The following ACOT12 variants were observed in gnomAD, a reference collection of about 807,000 sequenced individuals.
The protein encoded by ACOT12 is acetyl-coenzyme A thioesterase.
In ACOT12, 51 loss-of-function variants were observed where a neutral mutation model predicts 67.7. The ratio of observed to expected loss-of-function variants is 0.75; its 90% CI spans 0.60 to 0.95. The LOEUF (loss-of-function observed/expected upper bound fraction) is 0.95, where lower values mean the gene tolerates loss of function less well. Among genes scored for constraint, ACOT12 ranks in the 40% least tolerant of loss-of-function variants. The pLI, the probability that ACOT12 is intolerant of heterozygous loss-of-function variation, is 0.00. For synonymous variants in ACOT12, 251 were observed against 244.6 expected (o/e 1.03, Z -0.24); for missense variants, 734 against 708.1 (o/e 1.04, Z -0.41).
chr5:81,354,078 A>T (rs889004580), intron 5 of ACOT12, among the ~76,000 whole-genome samples: 1 of 152,238 alleles, frequency 6.6e-6, no homozygotes, highest in African/African-American at 2.4e-5. Context: ...CTGGCATGGA[A>T]GTTAGTAAAA....
chr5:81,345,947 T>G lies in ACOT12; in HGVS notation c.711A>C (p.Gly237=), dbSNP rs1394329348. 1.9e-6 allele frequency: 3 copies of G among 1,613,936 alleles called. No individual in the cohort carries two copies. Among genetic ancestry groups the G allele is most frequent in the Non-Finnish European group, 2.5e-6 (3 of 1,179,958 alleles). The change falls in exon 7 of 15, where the codon GGA becomes GGC. Residue 237 remains glycine, a synonymous_variant. Transcript: ENST00000307624. ...CAAGACGATCTCCAACTGTAGATGG[T>G]CCCCGGAACTTAAACATATCTACGG... The part of the protein sequence containing the change: ...LKSVDMFKFR[G]PSTVGDRLVF...
chr5:81,380,561 T>C (rs1291710856), intron 2 of ACOT12, among the ~76,000 whole-genome samples: 13 of 92,730 alleles, frequency 1.4e-4, no homozygotes, highest in African/African-American at 6.0e-4. Context: ...GAGACTGTCT[T>C]AGAAAAAAAA....
chr5:81,317,501 CAA>C, the ACOT12 span, among the ~76,000 whole-genome samples: 481 of 109,054 alleles, frequency 4.4e-3, 2 homozygotes, highest in African/African-American at 0.012. Context: ...GACTCCATCC[CAA>C]AAAAAAAAAA....
At chr5:81,376,375 G>A (rs1191192673) in intron 2 of ACOT12, among the ~76,000 whole-genome samples, 1 of 151,392 alleles carries the variant, frequency 6.6e-6, no homozygotes, top group East Asian at 2.0e-4. Flanking sequence ...TGAATGCCCA[G>A]AAGAGAAAGC....
At chr5:81,348,429 A>G (rs1759449924) in intron 5 of ACOT12, among the ~76,000 whole-genome samples, 1 of 152,232 alleles carries the variant, frequency 6.6e-6, no homozygotes, top group African/African-American at 2.4e-5. Flanking sequence ...AAGGAATCTG[A>G]GCTACAAAGG....
chr5:81,315,975 GGGGT>G, the ACOT12 span, among the ~76,000 whole-genome samples: 1 of 152,084 alleles, frequency 6.6e-6, no homozygotes, highest in South Asian at 2.1e-4. Context: ...ATCTCCACGG[GGGGT>G]GGATTCTTGT....
chr5:81,334,753 C>T (rs562252828), intron 12 of ACOT12, among the ~76,000 whole-genome samples: 24 of 152,324 alleles, frequency 1.6e-4, no homozygotes, highest in African/African-American at 5.1e-4. Context: ...TGAAGCCCTG[C>T]GGGGTGCTAT....
intron 3 of ACOT12, among the ~76,000 whole-genome samples, chr5:81,370,919 T>A (rs148520665): frequency 1.4e-3 from 210 of 152,246 alleles, no homozygotes; most frequent in African/African-American, 4.8e-3. Context: ...TGAATGGAGA[T>A]CTCAAGAGCC....
At chr5:81,325,820 A>C (rs2153838849), downstream of ACOT12, among the ~76,000 whole-genome samples, 1 of 152,224 alleles carries the variant, frequency 6.6e-6, no homozygotes, top group South Asian at 2.1e-4. Context: ...CTCTTTTTAG[A>C]GACAGTGTCT....
At chr5:81,332,340 T>G (rs1295164096) in intron 13 of ACOT12, 137 bp downstream of exon 13, 3 of 978,998 alleles carry the variant, frequency 3.1e-6, no homozygotes, top group Non-Finnish European at 4.3e-6. Flanking sequence ...TAGCTAAAGA[T>G]TCATCTAGGT....
Position 81,363,818 on chromosome 5 carries a change from T to C in ACOT12, c.330A>G (p.Thr110=). The C allele has an allele frequency of 6.2e-7, 1 of 1,611,648 alleles. No homozygotes were observed. Among genetic ancestry groups the C allele is most frequent in the Non-Finnish European group, 8.5e-7 (1 of 1,178,910 alleles). The change falls in exon 4 of 15, where the codon ACA becomes ACG. Residue 110 remains threonine, a synonymous_variant. Coordinates refer to ENST00000307624, the MANE Select transcript of ACOT12 (RefSeq NM_130767.3). ...IEKLVSVAFS[T]FVAKPVGKEK... ...CTTTTCCAACTGGTTTGGCTACAAA[T>C]GTGGAGAAAGCCACACTAACAAGCT...
intron 1 of ACOT12, among the ~76,000 whole-genome samples, chr5:81,387,234 T>C (rs1407588665): frequency 6.6e-6 from 1 of 152,038 alleles, no homozygotes; most frequent in African/African-American, 2.4e-5. Context: ...CTCGATCTCC[T>C]GACCTCGTGA....
intron 11 of ACOT12, 56 bp downstream of exon 11, chr5:81,342,616 C>T: frequency 6.4e-7 from 1 of 1,568,778 alleles, no homozygotes; most frequent in South Asian, 1.1e-5. Context: ...CCACCACCAC[C>T]ACAGCTTTCG....
chr5:81,337,281 C>T (rs905306781), intron 11 of ACOT12, among the ~76,000 whole-genome samples: 14 of 152,314 alleles, frequency 9.2e-5, no homozygotes, highest in African/African-American at 3.1e-4. Context: ...TAGTGCCAGT[C>T]CTAATCTGCC....
Position 81,371,801 on chromosome 5 carries a change from T to G in ACOT12, c.207A>C (p.Gln69His). 6.2e-7 allele frequency: 1 copy of G among 1,614,098 alleles called. No homozygotes were observed. The highest frequency in any genetic ancestry group is 8.5e-7 in the Non-Finnish European group (1 of 1,179,978). The change falls in exon 3 of 15, where the codon CAA becomes CAC. Residue 69 changes from glutamine (Q) to histidine (H), a missense_variant. Coordinates refer to ENST00000307624, the MANE Select transcript of ACOT12 (RefSeq NM_130767.3). ...TAACTTTTGCTTTGATGGTTATAAC[T>G]TGTCCAACTCTAGGGAAAAACAAAC... ...IQFEETARVG[Q>H]VITIKAKVTR...
chr5:81,355,418 G>A (rs909800396), intron 5 of ACOT12, among the ~76,000 whole-genome samples: 6 of 152,120 alleles, frequency 3.9e-5, no homozygotes, highest in Non-Finnish European at 7.4e-5. Context: ...CAACAACATG[G>A]ATGGAACTGA....
At chr5:81,365,636 T>C (rs1011358056) in intron 3 of ACOT12, among the ~76,000 whole-genome samples, 7 of 152,176 alleles carry the variant, frequency 4.6e-5, no homozygotes, top group African/African-American at 1.4e-4. Flanking sequence ...TTAGGTAAGA[T>C]TGGAATTACA....
At position 81,346,038 on chromosome 5, in the gene ACOT12, C is replaced by T. The variant is rs758173770; in HGVS notation, c.654-34G>A. 1.0e-5 allele frequency: 16 copies of T among 1,605,944 alleles called. No homozygotes were observed. The East Asian group carries it at 1.8e-4, about 18-fold the overall frequency. ...ACAAAGGGAGGGAGAGAGAAGAAAG[C>T]GATCACACATTCATTCATCGAACAA... On this transcript the variant is annotated intron_variant, in intron 6 of 14. Coordinates refer to ENST00000307624, the MANE Select transcript of ACOT12 (RefSeq NM_130767.3).
At position 81,330,288 on chromosome 5, in the gene ACOT12, G is replaced by T; in HGVS notation, c.*106C>A. ...ACTCCGTCACTGCATTTTGCTTAGG[G>T]TTATATTAAATTATTTTGTGGCCCC... On this transcript the variant is annotated 3_prime_UTR_variant, in exon 15 of 15. Transcript: ENST00000307624. The T allele has an allele frequency of 7.6e-7, 1 of 1,316,308 alleles. No homozygotes were observed. The highest frequency in any genetic ancestry group is 1.0e-6 in the Non-Finnish European group (1 of 972,444). 81.5% of individuals were successfully genotyped at this position (1,316,308 alleles called of 1,614,324 possible).
Sources: allele counts gnomAD v4.1 joint callset (sites outside exome capture counted in the v4.1 genomes callset), GRCh38; gene constraint gnomAD v4.1.1; transcripts MANE v1.5; gene names NCBI Gene and HGNC (gene_info 2026-07-23, HGNC 2026-07-21).